The following CCNB3 variants were observed in gnomAD, a reference collection of about 807,000 sequenced individuals.
CCNB3 encodes G2/mitotic-specific cyclin-B3.
In CCNB3, 12 loss-of-function variants were observed where a neutral mutation model predicts 68.0. The ratio of observed to expected loss-of-function variants is 0.18; its 90% CI spans 0.11 to 0.29. The LOEUF is 0.29. Ranked by LOEUF, CCNB3 falls within the 10% of genes least tolerant of loss-of-function variation. The pLI is 1.00. For synonymous variants in CCNB3, 354 were observed against 388.9 expected (o/e 0.91, Z 1.06); for missense variants, 904 against 993.1 (o/e 0.91, Z 1.21).
chrX:50,289,179 C>G (rs906481179), intron 4 of CCNB3, among the ~76,000 whole-genome samples: 1 of 111,063 alleles, frequency 9.0e-6, no homozygotes, highest in African/African-American at 3.3e-5. Flanking sequence ...GAGGTGACTG[C>G]CCAGGCCTTC....
chrX:50,329,143 G>A (rs190873234), intron 8 of CCNB3, among the ~76,000 whole-genome samples: 1 of 111,766 alleles, frequency 8.9e-6, no homozygotes, highest in African/African-American at 3.2e-5. Context: ...GATGCAAGCT[G>A]CCCATGGCTC....
chrX:50,298,718 TC>T (rs1936542918), intron 5 of CCNB3, among the ~76,000 whole-genome samples: 1 of 111,560 alleles, frequency 9.0e-6, no homozygotes, highest in African/African-American at 3.3e-5. Context: ...TACCAGCTCC[TC>T]CTTGTACCTC....
At chrX:50,302,342 G>T (rs1936664624) in intron 5 of CCNB3, among the ~76,000 whole-genome samples, 1 of 111,886 alleles carries the variant, frequency 8.9e-6, no homozygotes, top group African/African-American at 3.3e-5. Context: ...CTTCACTCAG[G>T]GTTCAGTGGA....
chrX:50,310,099 G>C lies in CCNB3; in HGVS notation c.1930G>C (p.Glu644Gln). 2.5e-6 allele frequency: 3 copies of C among 1,211,453 alleles called. No individual in the cohort carries two copies. Among genetic ancestry groups the C allele is most frequent in the Non-Finnish European group, 3.4e-6 (3 of 895,241 alleles). ...CTCCCAGGAACCATCTGCATTGAAAGAGAAGCATACCACCTTGCAGGAAGT... is the reference window on the plus strand; with the variant it reads ...CTCCCAGGAACCATCTGCATTGAAACAGAAGCATACCACCTTGCAGGAAGT... ...FLSQEPSALK[E>Q]KHTTLQEVSL... is the part of the protein sequence containing the mutation. The change falls in exon 6 of 13, where the codon GAG becomes CAG. Residue 644 changes from glutamate (E) to glutamine (Q), a missense_variant. This residue lies in a region of CCNB3 where 619 missense variants were observed against 609.8 expected (regional missense o/e 1.02). Coordinates refer to ENST00000376042, the MANE Select transcript of CCNB3 (RefSeq NM_033031.3).
intron 4 of CCNB3, among the ~76,000 whole-genome samples, chrX:50,293,385 G>T (rs1557210402): frequency 9.2e-6 from 1 of 109,056 alleles, no homozygotes; most frequent in Non-Finnish European, 1.9e-5. Flanking sequence ...CTCAAATTTT[G>T]ATTACTTCTT....
intron 4 of CCNB3, among the ~76,000 whole-genome samples, chrX:50,292,023 C>T (rs1204589318): frequency 2.7e-5 from 3 of 111,501 alleles, no homozygotes; most frequent in African/African-American, 9.8e-5. Context: ...TTATTGTTGA[C>T]ATTTTGTCCC....
chrX:50,325,742 G>C (rs1244550012), intron 8 of CCNB3, among the ~76,000 whole-genome samples: 3 of 111,742 alleles, frequency 2.7e-5, no homozygotes, highest in African/African-American at 9.8e-5. Context: ...GTTTACATTT[G>C]TTCACTGTGT....
chrX:50,316,974 G>A (rs1402621732), intron 8 of CCNB3, among the ~76,000 whole-genome samples: 1 of 112,212 alleles, frequency 8.9e-6, no homozygotes, highest in Non-Finnish European at 1.9e-5. Context: ...TGGGATCATT[G>A]GGACATATGG....
At chrX:50,212,704 G>T (rs1432988159) in intron 1 of CCNB3, among the ~76,000 whole-genome samples, 1 of 110,022 alleles carries the variant, frequency 9.1e-6, no homozygotes, top group Non-Finnish European at 1.9e-5. Context: ...CCAGCTTTAG[G>T]CAACCACTAA....
intron 8 of CCNB3, among the ~76,000 whole-genome samples, chrX:50,333,149 T>C (rs1027198933): frequency 3.6e-5 from 4 of 111,593 alleles, no homozygotes; most frequent in African/African-American, 1.3e-4. Flanking sequence ...AGCTTCCAAG[T>C]GATTTCTAAT....
intron 1 of CCNB3, among the ~76,000 whole-genome samples, chrX:50,280,251 A>C (rs1179234000): frequency 1.0e-5 from 1 of 96,866 alleles, no homozygotes; most frequent in Non-Finnish European, 2.0e-5. Context: ...TATAGATATA[A>C]ATATCTATAT....
intron 5 of CCNB3, among the ~76,000 whole-genome samples, chrX:50,301,021 G>GT (rs1337832408): frequency 1.8e-5 from 2 of 110,665 alleles, no homozygotes; most frequent in Admixed American, 1.9e-4. Context: ...GGTTATTCTA[G>GT]TTAGCCATTC....
intron 5 of CCNB3, among the ~76,000 whole-genome samples, chrX:50,303,074 C>T (rs1936686465): frequency 9.0e-6 from 1 of 111,037 alleles, no homozygotes; most frequent in African/African-American, 3.3e-5. Context: ...TTTACATTTC[C>T]TCCAGCAGTG....
chrX:50,312,537 A>C lies in CCNB3; in HGVS notation c.3328A>C (p.Ile1110Leu). The change falls in exon 7 of 13, where the codon ATA (isoleucine) becomes CTA (leucine). Residue 1110 changes from isoleucine to leucine, a missense_variant and splice_region_variant. By Grantham distance (5) the Ile-to-Leu change is conservative. Around this residue, in one of 2 missense-constraint regions of CCNB3, gnomAD observed 285 missense variants for 383.4 expected, o/e 0.74. Coordinates refer to ENST00000376042, the MANE Select transcript of CCNB3 (RefSeq NM_033031.3). Reference sequence around the variant, plus strand: ...TGTCTTTTTGGTGATTTCTAAGCAGATAACCCCACGGGAAGATATTGATGA... The same window carrying C: ...TGTCTTTTTGGTGATTTCTAAGCAGCTAACCCCACGGGAAGATATTGATGA... ...SPQAKGTPKE[I>L]TPREDIDEDS... 1 of 1,199,329 alleles carries C rather than the reference A, an allele frequency of 8.3e-7. No homozygotes were observed. The highest frequency in any genetic ancestry group is 1.1e-6 in the Non-Finnish European group (1 of 885,291).
At chrX:50,346,610 G>A (rs377686958) in intron 9 of CCNB3, 42 bp from the exon 10 acceptor site, 2 of 1,172,344 alleles carry the variant, frequency 1.7e-6, no homozygotes, top group South Asian at 2.0e-5. Context: ...GAAAGGTTGG[G>A]TTGTCTGTCT....
intron 5 of CCNB3, among the ~76,000 whole-genome samples, chrX:50,306,038 C>T (rs1475411871): frequency 9.4e-6 from 1 of 106,003 alleles, no homozygotes; most frequent in Admixed American, 1.0e-4. Flanking sequence ...CTGCCTGCCT[C>T]GACTCCCAAA....
intron 4 of CCNB3, among the ~76,000 whole-genome samples, chrX:50,290,955 T>C (rs186616794): frequency 8.9e-6 from 1 of 111,984 alleles, no homozygotes; most frequent in African/African-American, 3.2e-5. Context: ...TCTGAGCTCA[T>C]CTATTTGACA....
chrX:50,282,794 A>G (rs1437113386), intron 1 of CCNB3, among the ~76,000 whole-genome samples: 3 of 111,201 alleles, frequency 2.7e-5, no homozygotes, highest in Admixed American at 9.6e-5. Flanking sequence ...GTTAACCTGT[A>G]TGTTATCAGC....
At chrX:50,228,484 G>A (rs906203845) in intron 1 of CCNB3, among the ~76,000 whole-genome samples, 11 of 90,437 alleles carry the variant, frequency 1.2e-4, no homozygotes, top group Non-Finnish European at 1.7e-4. Context: ...TATAGAATAT[G>A]TATAGAGGAT....
Sources: gnomAD v4.1 joint callset for allele counts (sites outside exome capture counted in the v4.1 genomes callset) on GRCh38, gnomAD v4.1.1 for gene constraint, gnomAD v4.1.1 regional missense constraint, MANE v1.5 for transcripts, NCBI Gene and HGNC (gene_info 2026-07-23, HGNC 2026-07-21) for gene names.